CBFB: variants seen among roughly 807,000 people sequenced by gnomAD.
CBFB encodes the protein CBF-beta.
Under a neutral mutation model 30.4 loss-of-function variants are expected in CBFB, and 9 were observed. The ratio of observed to expected loss-of-function variants is 0.30; its 90% confidence interval spans 0.18 to 0.52. The LOEUF (loss-of-function observed/expected upper bound fraction) is 0.52, where lower values mean the gene tolerates loss of function less well. CBFB is among the 20% of genes least tolerant of loss of function. The probability of loss-of-function intolerance (pLI) is 0.97; values close to 1 mark genes in which losing one functional copy is unlikely to be tolerated. For missense variants in CBFB, 170 were observed against 244.0 expected, an observed-to-expected ratio of 0.70 and a Z score of 2.02; for synonymous variants, 94 against 84.0, an observed-to-expected ratio of 1.12 and a Z score of -0.65.
chr16:67,066,890 A>G (rs2145751231), intron 4 of CBFB, 92 bp downstream of exon 4: 1 of 664,688 alleles, frequency 1.5e-6, no homozygotes, highest in Non-Finnish European at 2.8e-6. Flanking sequence ...TTTTAAGAGT[A>G]AGTATAGAAA....
At chr16:67,085,484 AAT>A (rs1269397366) in intron 5 of CBFB, among the ~76,000 whole-genome samples, 2 of 58,354 alleles carry the variant, frequency 3.4e-5, no homozygotes, top group African/African-American at 1.5e-4. Context: ...AATAAAATTT[AAT>A]ATCTTTTTTT....
chr16:67,073,372 C>T (rs972862848), intron 4 of CBFB, among the ~76,000 whole-genome samples: 1 of 152,094 alleles, frequency 6.6e-6, no homozygotes, highest in African/African-American at 2.4e-5. Flanking sequence ...GAAAATTTTG[C>T]CAAGTTCAGT....
chr16:67,038,871 TTAATAAC>T (rs1410566019), intron 3 of CBFB, among the ~76,000 whole-genome samples: 2 of 152,194 alleles, frequency 1.3e-5, no homozygotes, highest in African/African-American at 4.8e-5. Flanking sequence ...CTTCCGGTAT[TTAATAAC>T]TAGTAAATGG....
At chr16:67,086,095 T>C (rs187190931) in intron 5 of CBFB, among the ~76,000 whole-genome samples, 1 of 152,258 alleles carries the variant, frequency 6.6e-6, no homozygotes, top group Admixed American at 6.5e-5. Context: ...GAGAAGAAAA[T>C]GGAGGGATAT....
chr16:67,079,229 A>AAC (rs1458586220), intron 4 of CBFB, among the ~76,000 whole-genome samples: 2 of 152,226 alleles, frequency 1.3e-5, no homozygotes, highest in African/African-American at 2.4e-5. Flanking sequence ...ATCTTGTTAT[A>AAC]AAGTATTACT....
chr16:67,079,437 A>G (rs1360695057), intron 4 of CBFB, among the ~76,000 whole-genome samples: 1 of 151,894 alleles, frequency 6.6e-6, no homozygotes, highest in African/African-American at 2.4e-5. Context: ...GATTTATCAC[A>G]CAGAACAAGA....
At chr16:67,034,143 T>G (rs1040957024) in intron 2 of CBFB, among the ~76,000 whole-genome samples, 1 of 152,170 alleles carries the variant, frequency 6.6e-6, no homozygotes, top group Admixed American at 6.5e-5. Context: ...TTACCAATTC[T>G]TATGTAGTTA....
At chr16:67,040,076 T>A (rs1966504814) in intron 3 of CBFB, among the ~76,000 whole-genome samples, 1 of 152,218 alleles carries the variant, frequency 6.6e-6, no homozygotes, top group Non-Finnish European at 1.5e-5. Context: ...TCCAGTGAAT[T>A]TAGAGAAAAG....
chr16:67,079,304 A>T (rs1280240527), intron 4 of CBFB, among the ~76,000 whole-genome samples: 2 of 152,190 alleles, frequency 1.3e-5, no homozygotes, highest in East Asian at 3.8e-4. Context: ...CCTGGGTTAT[A>T]AAGCTAGTAA....
chr16:67,053,071 C>T (rs1235370555), intron 3 of CBFB, among the ~76,000 whole-genome samples: 1 of 151,448 alleles, frequency 6.6e-6, no homozygotes, highest in Non-Finnish European at 1.5e-5. Context: ...AACCCGTCTC[C>T]CCCCACAAAA....
At chr16:67,043,932 C>G (rs1314868146) in intron 3 of CBFB, among the ~76,000 whole-genome samples, 1 of 152,182 alleles carries the variant, frequency 6.6e-6, no homozygotes, top group Non-Finnish European at 1.5e-5. Context: ...GTTACAAACA[C>G]TGGCAGCCAA....
At chr16:67,091,651 T>C (rs1438327698) in intron 5 of CBFB, among the ~76,000 whole-genome samples, 2 of 152,268 alleles carry the variant, frequency 1.3e-5, no homozygotes, top group Admixed American at 1.3e-4. Flanking sequence ...TTTTTTGACA[T>C]GCCTGTTGGA....
intron 3 of CBFB, among the ~76,000 whole-genome samples, chr16:67,056,332 A>G (rs928467522): frequency 1.3e-5 from 2 of 152,160 alleles, no homozygotes; most frequent in Non-Finnish European, 2.9e-5. Context: ...GTGAATCAGC[A>G]ATATATATTG....
chr16:67,096,310 C>CAA (rs538264777), intron 5 of CBFB, among the ~76,000 whole-genome samples: 1 of 138,930 alleles, frequency 7.2e-6, no homozygotes. Context: ...GACTCTGTCT[C>CAA]AAAAAAAAAA....
chr16:67,059,967 TC>T (rs1960846689), intron 3 of CBFB, among the ~76,000 whole-genome samples: 3 of 149,244 alleles, frequency 2.0e-5, no homozygotes, highest in African/African-American at 7.7e-5. Context: ...ATTCTTTCTT[TC>T]TTTCTTTCTT....
intron 2 of CBFB, among the ~76,000 whole-genome samples, chr16:67,032,258 G>A (rs548492227): frequency 1.3e-5 from 2 of 152,234 alleles, no homozygotes; most frequent in East Asian, 1.9e-4. Flanking sequence ...CCGGGAGGTC[G>A]AGGCTGCAGT....
chr16:67,054,031 C>T (rs1212800915), intron 3 of CBFB, among the ~76,000 whole-genome samples: 13 of 151,992 alleles, frequency 8.6e-5, no homozygotes. Flanking sequence ...TGACCATCCT[C>T]AGAATGTCCA....
intron 5 of CBFB, among the ~76,000 whole-genome samples, chr16:67,093,816 T>C (rs998685951): frequency 6.6e-6 from 1 of 152,186 alleles, no homozygotes; most frequent in African/African-American, 2.4e-5. Flanking sequence ...TTTGTGCTTT[T>C]AGGATGATGG....
chr16:67,056,904 T>C (rs1444142678), intron 3 of CBFB, among the ~76,000 whole-genome samples: 1 of 149,292 alleles, frequency 6.7e-6, no homozygotes, highest in Non-Finnish European at 1.5e-5. Context: ...ATGGTCTTGA[T>C]CTCTTGACCT....
Sources: gnomAD v4.1 joint callset for allele counts (sites outside exome capture counted in the v4.1 genomes callset) on GRCh38, gnomAD v4.1.1 for gene constraint, MANE v1.5 for transcripts, NCBI Gene and HGNC (gene_info 2026-07-23, HGNC 2026-07-21) for gene names.